GSE1: variants seen among roughly 807,000 people sequenced by gnomAD.
The protein encoded by GSE1 is genetic suppressor element 1.
In GSE1, 32 loss-of-function variants were observed where a neutral mutation model predicts 112.6. The observed-to-expected ratio is 0.28, with a 90% confidence interval of 0.21 to 0.38. GSE1 has a LOEUF of 0.38. GSE1 is among the 10% of genes least tolerant of loss of function. GSE1 has a pLI of 1.00. For synonymous variants in GSE1, 1,115 were observed against 735.6 expected, an observed-to-expected ratio of 1.52 and a Z score of -8.35; for missense variants, 2,348 against 1,699.2, an observed-to-expected ratio of 1.38 and a Z score of -6.71.
intron 2 of GSE1, among the ~76,000 whole-genome samples, chr16:85,445,162 TC>T (rs1166008461): frequency 6.6e-6 from 1 of 152,188 alleles, no homozygotes; most frequent in Non-Finnish European, 1.5e-5. Flanking sequence ...AGACTGGGCA[TC>T]GGGGTGCCAC....
At chr16:85,480,877 A>G (rs1490920481) in intron 2 of GSE1, among the ~76,000 whole-genome samples, 1 of 152,092 alleles carries the variant, frequency 6.6e-6, no homozygotes, top group Non-Finnish European at 1.5e-5. Flanking sequence ...CTCCTGAAAT[A>G]ATACTCCGGA....
rs529053004 is a variant in GSE1, at chr16:85,208,212, A to G, written c.2283+36405A>G. Among the ~76,000 whole-genome samples the G allele has an allele frequency of 1.8e-3, 281 of 152,260 alleles. 1 individual carries two copies. The highest frequency in any genetic ancestry group is 6.5e-3 in the African/African-American group (270 of 41,528). On this transcript the variant is annotated intron_variant, in intron 1 of 2. Coordinates refer to the GSE1 transcript ENST00000637419. ...TGGTGTCCAGGCCCTTGGTGTCTCA[A>G]CGTTCCTGCTAGGCCTGGGTTCTTG...
chr16:85,632,253 C>T lies in GSE1; in HGVS notation c.8-1661C>T, dbSNP rs557275710. ...CCACCTGGCTGTTGCCTGCCATGGG[C>T]ATGGGGCTCTCAGGGGTCCTTTGTT... On this transcript the variant is annotated intron_variant, in intron 1 of 15. Transcript: ENST00000253458. Among the ~76,000 whole-genome samples, 10 of 152,316 alleles carry T rather than the reference C, an allele frequency of 6.6e-5. No individual in the cohort carries two copies. The East Asian group carries it at 1.4e-3, about 21-fold the overall frequency.
At chr16:85,669,178 C>T (rs1392253610) in intron 14 of GSE1, among the ~76,000 whole-genome samples, 3 of 152,366 alleles carry the variant, frequency 2.0e-5, no homozygotes, top group Non-Finnish European at 4.4e-5. Context: ...TGGGGAACAG[C>T]AGAGGTACCC....
At chr16:85,209,418 T>C (rs1054069804) in intron 1 of GSE1, among the ~76,000 whole-genome samples, 3 of 152,168 alleles carry the variant, frequency 2.0e-5, no homozygotes, top group Non-Finnish European at 4.4e-5. Context: ...TCATTTGGCA[T>C]GCAGAGGAAC....
chr16:85,493,493 C>T (rs543012384), intron 2 of GSE1, among the ~76,000 whole-genome samples: 5 of 152,254 alleles, frequency 3.3e-5, no homozygotes, highest in Admixed American at 1.3e-4. Context: ...GTGGCTCACA[C>T]CTGTAATCCC....
In GSE1 at chr16:85,661,582, C is replaced by A. The variant is rs144074727; in HGVS notation, c.2077C>A (p.Leu693Ile). Residue 693 changes from leucine (L) to isoleucine (I), a missense_variant, in exon 9 of 16, where the codon CTC (leucine) becomes ATC (isoleucine). Leu to Ile is a conservative substitution (Grantham distance 5). Coordinates refer to ENST00000253458, the MANE Select transcript of GSE1 (RefSeq NM_014615.5). ...QTILGQQRAS[L>I]PQAATFGELS... ...CATCCTGGGCCAGCAGCGGGCCTCCCTCCCACAGGCGGCCACCTTCGGGGA... is the reference window on the plus strand; with the variant it reads ...CATCCTGGGCCAGCAGCGGGCCTCCATCCCACAGGCGGCCACCTTCGGGGA... 3.8e-5 allele frequency: 61 copies of A among 1,610,294 alleles called. No homozygotes were observed. In the African/African-American group the frequency reaches 7.7e-4, roughly 20 times the overall value.
rs2053603475 is a variant in GSE1 at position 85,674,975 on chromosome 16, G to T, written c.*2436G>T. ...CAGTAAGGCAACACGAATAAACTAA[G>T]AAAAAGGTAAGAACTGTCTCAAAAA... On this transcript the variant is annotated 3_prime_UTR_variant, in exon 16 of 16. Coordinates refer to ENST00000253458, the MANE Select transcript of GSE1 (RefSeq NM_014615.5). The T allele has an allele frequency of 6.6e-6, 1 of 152,528 alleles. No individual in the cohort carries two copies. The highest frequency in any genetic ancestry group is 2.1e-4 in the South Asian group (1 of 4,826). The allele number at this position is 152,528 out of a possible 1,614,324, so 9.4% of individuals were successfully genotyped here.
chr16:85,260,325 T>C (rs398042012), intron 1 of GSE1, among the ~76,000 whole-genome samples: 12,977 of 131,904 alleles, frequency 0.098, 291 homozygotes, highest in Non-Finnish European at 0.11. Flanking sequence ...TTTTCTTTTT[T>C]TTTTTTTTTT....
intron 1 of GSE1, among the ~76,000 whole-genome samples, chr16:85,234,107 G>A (rs1904354763): frequency 6.6e-6 from 1 of 152,210 alleles, no homozygotes; most frequent in Non-Finnish European, 1.5e-5. Flanking sequence ...TAGGCGTCTG[G>A]TTCTGGTGGG....
At chr16:85,183,494 C>T (rs1023886222) in intron 1 of GSE1, among the ~76,000 whole-genome samples, 1 of 152,218 alleles carries the variant, frequency 6.6e-6, no homozygotes, top group Admixed American at 6.5e-5. Context: ...AGACTCCTCC[C>T]TGCTCTGCCC....
intron 1 of GSE1, among the ~76,000 whole-genome samples, chr16:85,308,530 C>T (rs756445): frequency 0.11 from 17,165 of 152,084 alleles, 2,555 homozygotes; most frequent in African/African-American, 0.35. Context: ...TCGGGGACTT[C>T]GAAAGGAGCT....
intron 1 of GSE1, among the ~76,000 whole-genome samples, chr16:85,201,226 C>G (rs1270831681): frequency 2.6e-5 from 4 of 152,126 alleles, no homozygotes; most frequent in Admixed American, 2.0e-4. Flanking sequence ...GCAGGTGCCA[C>G]CACACCCAGC....
At chr16:85,438,100 A>G (rs1006024057) in intron 2 of GSE1, among the ~76,000 whole-genome samples, 2 of 151,634 alleles carry the variant, frequency 1.3e-5, no homozygotes, top group African/African-American at 2.4e-5. Context: ...GGGGCTGCCT[A>G]CCTTTCTCTG....
intron 2 of GSE1, among the ~76,000 whole-genome samples, chr16:85,550,112 C>T (rs1227445854): frequency 6.6e-6 from 1 of 152,192 alleles, no homozygotes; most frequent in African/African-American, 2.4e-5. Context: ...GGTGATTCGC[C>T]TCATTTTCCA....
intron 1 of GSE1, among the ~76,000 whole-genome samples, chr16:85,284,604 G>A (rs1320285594): frequency 6.6e-6 from 1 of 152,206 alleles, no homozygotes; most frequent in Non-Finnish European, 1.5e-5. Flanking sequence ...CTGTATTCGA[G>A]CCAGCGAGGG....
chr16:85,664,828 G>C, intron 11 of GSE1, 187 bp from the exon 12 acceptor site: 1 of 587,856 alleles, frequency 1.7e-6, no homozygotes, highest in East Asian at 2.8e-5. Context: ...AGTGGATGCC[G>C]AGAGCAATCT....
intron 1 of GSE1, among the ~76,000 whole-genome samples, chr16:85,633,020 G>A (rs1452709570): frequency 1.3e-5 from 2 of 151,872 alleles, no homozygotes; most frequent in African/African-American, 2.4e-5. Flanking sequence ...TGGTGCCGCC[G>A]CCGCCGCCGC....
At chr16:85,293,378 C>T (rs754057964) in intron 1 of GSE1, among the ~76,000 whole-genome samples, 1 of 151,842 alleles carries the variant, frequency 6.6e-6, no homozygotes, top group African/African-American at 2.4e-5. Context: ...AAACCCTGTC[C>T]CTGCTAAAAA....
Sources: allele counts gnomAD v4.1 joint callset (sites outside exome capture counted in the v4.1 genomes callset), GRCh38; gene constraint gnomAD v4.1.1; transcripts MANE v1.5; gene names NCBI Gene and HGNC (gene_info 2026-07-23, HGNC 2026-07-21).